RASGRF1: variants seen among roughly 807,000 people sequenced by gnomAD.
RASGRF1 encodes ras-specific guanine nucleotide-releasing factor 1.
A neutral mutation model predicts 138.7 loss-of-function variants in RASGRF1; 40 were observed. That is an observed-to-expected ratio of 0.29 (90% CI 0.22 to 0.38). The LOEUF (loss-of-function observed/expected upper bound fraction) is 0.38, where lower values mean the gene tolerates loss of function less well. Among genes scored for constraint, RASGRF1 ranks in the 10% least tolerant of loss-of-function variants. The pLI is 1.00. For synonymous variants in RASGRF1, 614 were observed against 663.2 expected (o/e 0.93, Z 1.14); for missense variants, 1,108 against 1,650.4 (o/e 0.67, Z 5.69).
rs1359206830 is a variant in RASGRF1 at position 78,991,771 on chromosome 15, G to A, written c.3051C>T (p.Pro1017=). The A allele has an allele frequency of 1.9e-6, 3 of 1,613,874 alleles. No individual in the cohort carries two copies. Among genetic ancestry groups the A allele is most frequent in the East Asian group, 4.5e-5 (2 of 44,886 alleles). ...TQMAEGVKAE[P]FENHSALEIA... ...TCTCCAGGGCTGAGTGGTTTTCAAA[G>A]GGCTCAGCCTTCACGCCTTCAGCCT... Residue 1017 remains proline (P), a synonymous_variant, in exon 21 of 27, where the codon CCC becomes CCT. Transcript: ENST00000558480.
At chr15:78,972,334 G>A (rs917935035) in intron 25 of RASGRF1, among the ~76,000 whole-genome samples, 4 of 151,682 alleles carry the variant, frequency 2.6e-5, no homozygotes, top group African/African-American at 9.7e-5. Context: ...GACCTCAAGT[G>A]ATCCACCCGC....
chr15:78,985,598 A>C, intron 22 of RASGRF1: 1 of 187,822 alleles, frequency 5.3e-6, no homozygotes, highest in Non-Finnish European at 1.1e-5. Context: ...TCTGACAACT[A>C]ATACATGTGT....
Position 79,015,339 on chromosome 15 carries a change from G to A in RASGRF1, c.1814C>T (p.Pro605Leu), listed in dbSNP as rs200752675. The change falls in exon 13 of 27, where the codon CCG (proline) becomes CTG (leucine). Residue 605 changes from proline to leucine, a missense_variant. Transcript: ENST00000558480. Reference protein sequence around the residue: ...AFEENSKVTVPQMIKSDASLY... With the variant: ...AFEENSKVTVLQMIKSDASLY... ...TAAGGGCACTTACTTGATCATCTGC[G>A]GCACAGTGACCTTGGAATTTTCTTC... 6.2e-6 allele frequency: 10 copies of A among 1,613,120 alleles called. No individual in the cohort carries two copies. Among genetic ancestry groups the A allele is most frequent in the Admixed American group, 5.0e-5 (3 of 60,014 alleles).
At chr15:78,984,826 T>C in intron 23 of RASGRF1, 181 bp downstream of exon 23, 1 of 663,404 alleles carries the variant, frequency 1.5e-6, no homozygotes, top group Non-Finnish European at 2.7e-6. Flanking sequence ...CTGCCATATC[T>C]GTGGGCCTGC....
chr15:79,081,681 C>G (rs2057915998), intron 1 of RASGRF1, among the ~76,000 whole-genome samples: 1 of 152,318 alleles, frequency 6.6e-6, no homozygotes, highest in South Asian at 2.1e-4. Flanking sequence ...AGGGATCACA[C>G]TGCATTGTCA....
In RASGRF1 at chr15:79,051,355, C is replaced by A. The variant is rs144022790; in HGVS notation, c.532-1767G>T. ...GAGAAATAGTCAGTGTGGAGATGGG[C>A]TTTTCTCCCCACCCCCTCCCCCTTT... On this transcript the variant is annotated intron_variant, in intron 3 of 26. Coordinates refer to ENST00000558480, the MANE Select transcript of RASGRF1 (RefSeq NM_001145648.3). Among the ~76,000 whole-genome samples the A allele has an allele frequency of 5.3e-3, 814 of 152,236 alleles. 9 individuals are homozygous for A. The highest frequency in any genetic ancestry group is 0.019 in the African/African-American group (777 of 41,518).
At chr15:79,085,280 A>T (rs1167082899) in intron 1 of RASGRF1, among the ~76,000 whole-genome samples, 1 of 152,208 alleles carries the variant, frequency 6.6e-6, no homozygotes, top group South Asian at 2.1e-4. Context: ...GGCTTCTGCC[A>T]CAGCCTTGAG....
chr15:79,038,322 T>G (rs554512368), intron 5 of RASGRF1, among the ~76,000 whole-genome samples: 61 of 152,334 alleles, frequency 4.0e-4, no homozygotes, highest in Non-Finnish European at 7.3e-4. Context: ...ATCCCAATAC[T>G]GCACATGCCT....
chr15:78,982,097 C>T (rs772765087), intron 23 of RASGRF1, among the ~76,000 whole-genome samples: 6 of 152,218 alleles, frequency 3.9e-5, no homozygotes, highest in Non-Finnish European at 8.8e-5. Context: ...ATCACCACTC[C>T]TCTTGCCTTT....
intron 26 of RASGRF1, among the ~76,000 whole-genome samples, chr15:78,963,087 T>TA (rs2055578537): frequency 6.6e-6 from 1 of 152,012 alleles, no homozygotes. Flanking sequence ...TGAGTTAGGT[T>TA]ATCCTGTCTT....
chr15:78,984,932 G>A (rs1947871682), intron 23 of RASGRF1, 75 bp downstream of exon 23: 1 of 1,499,364 alleles, frequency 6.7e-7, no homozygotes, highest in South Asian at 1.2e-5. Context: ...ATGCCCAGTG[G>A]CCAGCCCACG....
In RASGRF1 at chr15:78,999,892, T is replaced by C; in HGVS notation, c.2597A>G (p.Asn866Ser). Residue 866 changes from asparagine (N) to serine (S), a missense_variant, in exon 17 of 27, where the codon AAC becomes AGC. By Grantham distance (46) the Asn-to-Ser change is conservative. Around this residue, in one of 3 missense-constraint regions of RASGRF1, gnomAD observed 686 missense variants for 976.7 expected, o/e 0.70. Coordinates refer to ENST00000558480, the MANE Select transcript of RASGRF1 (RefSeq NM_001145648.3). ...NSSEFPLFSY[N>S]NGVVMTSCRE... ...ACAGGAGGTCATGACGACTCCATTG[T>C]TATAGGAAAAGAGTGGGAACTCTGC... 2 of 1,614,050 alleles carry C rather than the reference T, an allele frequency of 1.2e-6. No homozygotes were observed. The highest frequency in any genetic ancestry group is 1.7e-6 in the Non-Finnish European group (2 of 1,179,972).
intron 1 of RASGRF1, among the ~76,000 whole-genome samples, chr15:79,077,580 A>T (rs1323058285): frequency 6.6e-6 from 1 of 152,144 alleles, no homozygotes; most frequent in Non-Finnish European, 1.5e-5. Flanking sequence ...AGGGGCTCAT[A>T]ACCAGAACGG....
At chr15:78,964,131 C>T (rs2055598199) in intron 26 of RASGRF1, among the ~76,000 whole-genome samples, 1 of 151,904 alleles carries the variant, frequency 6.6e-6, no homozygotes, top group African/African-American at 2.4e-5. Flanking sequence ...AGCACCATTG[C>T]AAAGCAGTTA....
At chr15:79,002,013 G>A (rs1381732321) in intron 15 of RASGRF1, among the ~76,000 whole-genome samples, 1 of 152,140 alleles carries the variant, frequency 6.6e-6, no homozygotes, top group African/African-American at 2.4e-5. Flanking sequence ...CTCCACCAGG[G>A]CTTCTCAAAC....
chr15:78,971,807 G>T, intron 26 of RASGRF1, 59 bp downstream of exon 26: 4 of 1,454,234 alleles, frequency 2.8e-6, no homozygotes, highest in Non-Finnish European at 3.9e-6. Context: ...AGGGTGGAAG[G>T]TGGCCTAGAC....
At chr15:79,020,311 G>T (rs2056942561) in intron 10 of RASGRF1, among the ~76,000 whole-genome samples, 1 of 152,258 alleles carries the variant, frequency 6.6e-6, no homozygotes, top group South Asian at 2.1e-4. Flanking sequence ...AATGAAGTGG[G>T]TCAAAGGAGA....
intron 13 of RASGRF1, among the ~76,000 whole-genome samples, chr15:79,012,128 G>A (rs8025124): frequency 0.82 from 125,265 of 152,078 alleles, 51,774 homozygotes; most frequent in East Asian, 1. Context: ...GTACCTGGAG[G>A]CCACAATTGC....
intron 3 of RASGRF1, among the ~76,000 whole-genome samples, chr15:79,051,990 T>C (rs539884851): frequency 6.6e-6 from 1 of 152,208 alleles, no homozygotes; most frequent in Non-Finnish European, 1.5e-5. Flanking sequence ...GATTTTGCTT[T>C]GCACCCTGCT....
Sources: gnomAD v4.1 joint callset for allele counts (sites outside exome capture counted in the v4.1 genomes callset) on GRCh38, gnomAD v4.1.1 for gene constraint, gnomAD v4.1.1 regional missense constraint, MANE v1.5 for transcripts, NCBI Gene and HGNC (gene_info 2026-07-23, HGNC 2026-07-21) for gene names.